The following CCDC186 variants were observed in gnomAD, a reference collection of about 807,000 sequenced individuals.
CCDC186 encodes coiled-coil domain containing 186, also known as coiled-coil domain-containing protein 186.
In CCDC186, 49 loss-of-function variants were observed where a neutral mutation model predicts 113.7. The ratio of observed to expected loss-of-function variants is 0.43; its 90% confidence interval spans 0.34 to 0.55. The LOEUF is 0.55. CCDC186 is among the 20% of genes least tolerant of loss of function. The probability of loss-of-function intolerance (pLI) is 0.02; values close to 1 mark genes in which losing one functional copy is unlikely to be tolerated. For synonymous variants in CCDC186, 355 were observed against 345.8 expected, an observed-to-expected ratio of 1.03 and a Z score of -0.30; for missense variants, 890 against 1,011.1, an observed-to-expected ratio of 0.88 and a Z score of 1.62.
chr10:114,164,137 T>TTG (rs1416801002), intron 1 of CCDC186, among the ~76,000 whole-genome samples: 3 of 139,980 alleles, frequency 2.1e-5, no homozygotes, highest in Admixed American at 7.2e-5. Context: ...TTTTTTTTTT[T>TTG]GGGATAGAGT....
intron 1 of CCDC186, chr10:114,165,849 C>CTAAAAAAAAAAA (rs776703729): frequency 2.0e-6 from 1 of 511,722 alleles, no homozygotes. Context: ...CACTTTGTCT[C>CTAAAAAAAAAAA]AAAAAAAAAA....
chr10:114,160,075 G>A (rs989301595), intron 2 of CCDC186, among the ~76,000 whole-genome samples: 5 of 152,224 alleles, frequency 3.3e-5, no homozygotes, highest in South Asian at 2.1e-4. Context: ...TTCAAGACCA[G>A]CCTGGCCAAC....
intron 3 of CCDC186, among the ~76,000 whole-genome samples, chr10:114,151,758 C>A (rs1044485082): frequency 6.6e-6 from 1 of 152,150 alleles, no homozygotes; most frequent in African/African-American, 2.4e-5. Context: ...TGCTTGTGTG[C>A]AGCAACACTT....
At chr10:114,165,659 C>T (rs140591373) in intron 1 of CCDC186, among the ~76,000 whole-genome samples, 15 of 152,236 alleles carry the variant, frequency 9.9e-5, no homozygotes, top group Non-Finnish European at 1.8e-4. Context: ...CACTGCACTC[C>T]AGCCTGGGCG....
At chr10:114,140,578 T>C (rs560151982) in intron 6 of CCDC186, among the ~76,000 whole-genome samples, 1 of 152,338 alleles carries the variant, frequency 6.6e-6, no homozygotes, top group Admixed American at 6.5e-5. Context: ...ATGTTGGATG[T>C]CAAATAAGCA....
intron 1 of CCDC186, chr10:114,173,217 G>T (rs1350387926): frequency 2.2e-6 from 1 of 455,790 alleles, no homozygotes; most frequent in African/African-American, 2.0e-5. Context: ...AGTGAAAGAA[G>T]TAGGATTCTA....
chr10:114,162,659 G>T lies in CCDC186; in HGVS notation c.610C>A (p.Gln204Lys). The change falls in exon 2 of 16, where the codon CAG becomes AAG. Residue 204 changes from glutamine to lysine, a missense_variant. Gln to Lys is a moderately conservative substitution (Grantham distance 53, BLOSUM62 1). Transcript: ENST00000369287. ...FEKCVQDKYL[Q>K]QEHIIKKLIK... ...TACTTTTTTATGATATGTTCCTGCT[G>T]CAAATATTTATCTTGCACACACTTT... 1 of 1,578,130 alleles carries T rather than the reference G, an allele frequency of 6.3e-7. No individual in the cohort carries two copies. The highest frequency in any genetic ancestry group is 8.6e-7 in the Non-Finnish European group (1 of 1,166,504).
At chr10:114,143,549 T>A (rs1243415423) in intron 6 of CCDC186, among the ~76,000 whole-genome samples, 2 of 152,220 alleles carry the variant, frequency 1.3e-5, no homozygotes, top group Non-Finnish European at 2.9e-5. Flanking sequence ...GGCAGTTCCC[T>A]CACACATGTG....
Position 114,125,118 on chromosome 10 carries a change from C to T in CCDC186, c.*25G>A, listed in dbSNP as rs770613795. On this transcript the variant is annotated 3_prime_UTR_variant, in exon 16 of 16. Transcript: ENST00000369287. The stretch of plus-strand genomic sequence containing the variant: ...GCACCTACTCCTGTGTGGCTTTTGT[C>T]TCTTTACTGAGCAAGAGGCTTGTTT... 2 of 1,561,418 alleles carry T rather than the reference C, an allele frequency of 1.3e-6. No homozygotes were observed. Among genetic ancestry groups the T allele is most frequent in the Non-Finnish European group, 8.7e-7 (1 of 1,146,292 alleles).
intron 6 of CCDC186, 152 bp from the exon 7 acceptor site, chr10:114,137,442 T>C: frequency 1.6e-6 from 1 of 613,972 alleles, no homozygotes. Flanking sequence ...TGACAAAAAA[T>C]TAAAATGATC....
intron 4 of CCDC186, among the ~76,000 whole-genome samples, chr10:114,150,203 G>T (rs930842433): frequency 6.6e-6 from 1 of 152,150 alleles, no homozygotes; most frequent in Non-Finnish European, 1.5e-5. Context: ...AATTCATTGT[G>T]AAGACTAATT....
At chr10:114,139,574 A>AG (rs1429950889) in intron 6 of CCDC186, among the ~76,000 whole-genome samples, 24 of 151,114 alleles carry the variant, frequency 1.6e-4, no homozygotes, top group African/African-American at 5.8e-4. Flanking sequence ...AAAAAAAAAA[A>AG]GAAAAGAAAA....
rs114530801 is a variant in CCDC186, at chr10:114,174,163, G to T, written c.-210C>A. 2.1e-6 allele frequency: 1 copy of T among 466,836 alleles called. No homozygotes were observed. Among genetic ancestry groups the T allele is most frequent in the Admixed American group, 2.4e-5 (1 of 42,102 alleles). The allele number at this position is 466,836 out of a possible 1,614,324, so 28.9% of individuals were successfully genotyped here. A position where few individuals can be genotyped will look rare whatever the true frequency, so the allele number is the denominator to read the frequency against. On this transcript the variant is annotated 5_prime_UTR_variant, in exon 1 of 16. Transcript: ENST00000369287. ...ACAGCCGACGCCTCACTCAGCGGCC[G>T]TTTCCCCAAACCCCTGCGGAGCTGA... is the stretch of plus-strand genomic sequence containing the variant.
At position 114,157,768 on chromosome 10, in the gene CCDC186, G is replaced by T. The variant is rs947266362; in HGVS notation, c.633-88C>A. On this transcript the variant is annotated intron_variant, in intron 2 of 15. Transcript: ENST00000369287. ...GAATATAATTTCTTTACAGATCAGG[G>T]TACAGATATCTATAATTATTCATTA... 6 of 980,040 alleles carry T rather than the reference G, an allele frequency of 6.1e-6. No homozygotes were observed. In the Admixed American group the frequency reaches 1.4e-4, roughly 23 times the overall value. 60.7% of individuals were successfully genotyped at this position (980,040 alleles called of 1,614,324 possible).
chr10:114,146,582 T>G (rs979289971), intron 4 of CCDC186, among the ~76,000 whole-genome samples: 2 of 152,246 alleles, frequency 1.3e-5, no homozygotes, highest in African/African-American at 4.8e-5. Flanking sequence ...AACTATATAC[T>G]CATTTAAAAA....
rs1363223417 is a variant in CCDC186, at chr10:114,157,671, T to C, written c.642A>G (p.Lys214=). The change falls in exon 3 of 16, where the codon AAA becomes AAG. Residue 214 remains lysine, a synonymous_variant. Transcript: ENST00000369287. The stretch of plus-strand genomic sequence containing the variant: ...AGAGCTCCTGATGCTTCTTATTTTC[T>C]TTAATTAACCTAAATATAAAAAGGG... ...QQEHIIKKLI[K]ENKKHQELFV... is the part of the protein sequence containing the mutation. 1 of 1,586,282 alleles carries C rather than the reference T, an allele frequency of 6.3e-7. No homozygotes were observed. The highest frequency in any genetic ancestry group is 8.6e-7 in the Non-Finnish European group (1 of 1,169,428).
chr10:114,129,905 C>T lies in CCDC186; in HGVS notation c.2168G>A (p.Arg723His), dbSNP rs762796875. The T allele has an allele frequency of 7.4e-6, 12 of 1,613,306 alleles. No homozygotes were observed. The highest frequency in any genetic ancestry group is 1.0e-5 in the Non-Finnish European group (12 of 1,179,582). ...TAGTTTTTTACCTGATGAACTAGAA[C>T]GACTTCCCATGCTGCTGACTTCTTT... ...YDKEVSSMGS[R>H]SSSSGSLNAR... is the part of the protein sequence containing the mutation. The change falls in exon 13 of 16, where the codon CGT (arginine) becomes CAT (histidine). Residue 723 changes from arginine to histidine, a missense_variant. By Grantham distance (29) the Arg-to-His change is conservative (BLOSUM62 0). Coordinates refer to ENST00000369287, the MANE Select transcript of CCDC186 (RefSeq NM_018017.4).
At chr10:114,149,564 AAAGGGAAGGGAAGGGAAGGG>A (rs750496913) in intron 4 of CCDC186, among the ~76,000 whole-genome samples, 29 of 47,858 alleles carry the variant, frequency 6.1e-4, no homozygotes, top group South Asian at 2.0e-3. Context: ...GAAGGAAAGG[AAAGGGAAGGGAAGGGAAGGG>A]AAGGGAAGGG....
chr10:114,159,195 GGTTTA>G (rs908781555), intron 2 of CCDC186, among the ~76,000 whole-genome samples: 2 of 152,066 alleles, frequency 1.3e-5, no homozygotes, highest in African/African-American at 4.8e-5. Flanking sequence ...ATGACACAGT[GGTTTA>G]ACTTAGATCA....
Sources: gnomAD v4.1 joint callset for allele counts (sites outside exome capture counted in the v4.1 genomes callset) on GRCh38, gnomAD v4.1.1 for gene constraint, MANE v1.5 for transcripts, NCBI Gene and HGNC (gene_info 2026-07-23, HGNC 2026-07-21) for gene names.